Variants in CHD4 observed in about 807,000 individuals in gnomAD.
The protein encoded by CHD4 is chromodomain helicase DNA binding protein 4.
In CHD4, 35 loss-of-function variants were observed where a neutral mutation model predicts 235.5. That is an observed-to-expected ratio of 0.15 (90% confidence interval 0.11 to 0.20). CHD4 has a LOEUF of 0.20. Among genes scored for constraint, CHD4 ranks in the 10% least tolerant of loss-of-function variants. The probability of loss-of-function intolerance (pLI) is 1.00; values close to 1 mark genes in which losing one functional copy is unlikely to be tolerated. For missense variants in CHD4, 1,329 were observed against 2,432.3 expected, an observed-to-expected ratio of 0.55 and a Z score of 9.54; for synonymous variants, 900 against 850.2, an observed-to-expected ratio of 1.06 and a Z score of -1.02.
chr12:6,601,777 A>G lies in CHD4; in HGVS notation c.439-11T>C, dbSNP rs1410668068. Reference sequence around the variant, plus strand: ...AGATGATTTAGGCTCCTGCAGAAAGAGCAAAGTCAAGTAAGTACCTGCCAC... The same window carrying G: ...AGATGATTTAGGCTCCTGCAGAAAGGGCAAAGTCAAGTAAGTACCTGCCAC... On this transcript the variant is annotated splice_polypyrimidine_tract_variant and intron_variant, in intron 4 of 39. Coordinates refer to ENST00000544040, the MANE Select transcript of CHD4 (RefSeq NM_001273.5). 2 of 1,611,298 alleles carry G rather than the reference A, an allele frequency of 1.2e-6. No individual in the cohort carries two copies. The highest frequency in any genetic ancestry group is 1.7e-5 in the Admixed American group (1 of 59,976).
intron 37 of CHD4, among the ~76,000 whole-genome samples, chr12:6,577,366 G>A (rs754281743): frequency 6.8e-6 from 1 of 147,940 alleles, no homozygotes; most frequent in Non-Finnish European, 1.5e-5. Context: ...AGGTTGTAGT[G>A]AGCAGAGGCT....
rs759504268 is a variant in CHD4 at position 6,595,424 on chromosome 12, T to C, written c.2031A>G (p.Leu677=). 1 of 1,613,618 alleles carries C rather than the reference T, an allele frequency of 6.2e-7. No individual in the cohort carries two copies. Among genetic ancestry groups the C allele is most frequent in the Admixed American group, 1.7e-5 (1 of 59,982 alleles). The change falls in exon 14 of 40, where the codon TTA becomes TTG. Residue 677 remains leucine (L), a synonymous_variant. Coordinates refer to ENST00000544040, the MANE Select transcript of CHD4 (RefSeq NM_001273.5). The stretch of plus-strand genomic sequence containing the variant: ...CTGGTCGGCCTTCCTCACCCCTCAT[T>C]AACTCCCTAAAGAAGAAAGACATCA... ...FKQSYWNHRE[L]MRGEEGRPGK...
At chr12:6,601,155 T>C in intron 6 of CHD4, 102 bp from the exon 7 acceptor site, 2 of 1,524,030 alleles carry the variant, frequency 1.3e-6, no homozygotes, top group African/African-American at 1.4e-5. Flanking sequence ...ATTCCCAAAT[T>C]TCCCTCCAAA....
Position 6,595,443 on chromosome 12 carries a change from G to A in CHD4, c.2025-13C>T, listed in dbSNP as rs373101952. The A allele has an allele frequency of 1.9e-6, 3 of 1,610,118 alleles. No homozygotes were observed. The highest frequency in any genetic ancestry group is 2.2e-5 in the South Asian group (2 of 90,980). On this transcript the variant is annotated splice_polypyrimidine_tract_variant and intron_variant, in intron 13 of 39. Coordinates refer to ENST00000544040, the MANE Select transcript of CHD4 (RefSeq NM_001273.5). ...CCTCATTAACTCCCTAAAGAAGAAA[G>A]ACATCACACAGCTGCCCAAAATCCT...
Position 6,591,500 on chromosome 12 carries a change from C to T in CHD4, c.3306G>A (p.Gly1102=), listed in dbSNP as rs1414055079. The T allele has an allele frequency of 1.2e-6, 2 of 1,614,206 alleles. No homozygotes were observed. Residue 1102 remains glycine, a synonymous_variant, in exon 22 of 40, where the codon GGG becomes GGA. Transcript: ENST00000544040. ...KYERIDGGIT[G]NMRQEAIDRF... is the part of the protein sequence containing the mutation. ...GGTCAATGGCCTCTTGCCGCATGTT[C>T]CCAGTGATTCCACCATCGATGCGTT...
At chr12:6,602,352 CG>C (rs1565619471) in intron 3 of CHD4, 23 bp downstream of exon 3, 7 of 1,612,050 alleles carry the variant, frequency 4.3e-6, no homozygotes, top group Non-Finnish European at 5.9e-6. Flanking sequence ...TCTGATTCCC[CG>C]TAACATTCAG....
At chr12:6,592,245 T>C (rs933502361) in intron 19 of CHD4, 148 bp downstream of exon 19, 3 of 1,259,626 alleles carry the variant, frequency 2.4e-6, no homozygotes, top group African/African-American at 3.0e-5. Flanking sequence ...GTAAGAACTA[T>C]GCGCTCCAGC....
At chr12:6,604,149 C>T (rs1948648261) in intron 2 of CHD4, among the ~76,000 whole-genome samples, 1 of 152,138 alleles carries the variant, frequency 6.6e-6, no homozygotes. Context: ...GTGGTGGGTG[C>T]CTGTAATCCC....
chr12:6,580,826 G>A, intron 33 of CHD4: 1 of 553,012 alleles, frequency 1.8e-6, no homozygotes. Context: ...GGCCAACATG[G>A]TGAAACCCTG....
chr12:6,605,321 G>A (rs1948673517), intron 2 of CHD4, among the ~76,000 whole-genome samples: 1 of 152,178 alleles, frequency 6.6e-6, no homozygotes, highest in East Asian at 1.9e-4. Flanking sequence ...GAAGGTCAAG[G>A]AGATGAGTAG....
Position 6,578,061 on chromosome 12 carries a change from C to A in CHD4, c.5196G>T (p.Arg1732=), listed in dbSNP as rs1948102341. The A allele has an allele frequency of 6.2e-7, 1 of 1,612,986 alleles. No individual in the cohort carries two copies. Among genetic ancestry groups the A allele is most frequent in the Non-Finnish European group, 8.5e-7 (1 of 1,180,034 alleles). Residue 1732 remains arginine, a synonymous_variant, in exon 36 of 40, where the codon CGG becomes CGT. Coordinates refer to ENST00000544040, the MANE Select transcript of CHD4 (RefSeq NM_001273.5). Reference sequence around the variant, plus strand: ...TGCCGGCTAGCAGCCAGTAGTCATGCCGTCGATGCCAGATCTCATAAGTCT... The same window carrying A: ...TGCCGGCTAGCAGCCAGTAGTCATGACGTCGATGCCAGATCTCATAAGTCT... ...TKKTYEIWHR[R]HDYWLLAGII... is the part of the protein sequence containing the mutation.
At chr12:6,572,349 C>A (rs1383096214) in intron 38 of CHD4, among the ~76,000 whole-genome samples, 2 of 150,198 alleles carry the variant, frequency 1.3e-5, no homozygotes, top group African/African-American at 4.9e-5. Flanking sequence ...TTGCTTGAAC[C>A]CAGGAGGCAG....
At chr12:6,581,017 A>G (rs1948176588) in intron 33 of CHD4, 27 bp downstream of exon 33, 2 of 1,602,830 alleles carry the variant, frequency 1.2e-6, no homozygotes, top group Admixed American at 1.7e-5. Context: ...ACAAACAAAC[A>G]AACAAAAAAA....
intron 20 of CHD4, 38 bp downstream of exon 20, chr12:6,591,878 A>T: frequency 6.2e-7 from 1 of 1,614,056 alleles, no homozygotes. Context: ...CATGGAGAAG[A>T]CCCAACCCAG....
chr12:6,600,825 A>G, intron 7 of CHD4, 101 bp downstream of exon 7: 1 of 1,511,782 alleles, frequency 6.6e-7, no homozygotes, highest in East Asian at 2.3e-5. Flanking sequence ...GAAACGCCCC[A>G]CATTCTTACG....
chr12:6,601,334 G>C lies in CHD4; in HGVS notation c.754C>G (p.Pro252Ala), dbSNP rs751395634. The C allele has an allele frequency of 3.7e-6, 6 of 1,614,110 alleles. No individual in the cohort carries two copies. The African/African-American group carries it at 4.0e-5, about 11-fold the overall frequency. The change falls in exon 6 of 40, where the codon CCT (proline) becomes GCT (alanine). Residue 252 changes from proline (P) to alanine (A), a missense_variant. Transcript: ENST00000544040. The part of the protein sequence containing the change: ...TATEVAPPPP[P>A]VEVPIRKAKT... ...GCCTTGCGGATAGGCACCTCCACAG[G>C]GGGAGGTGGTGGTGCAACCTCAGTG...
At position 6,598,147 on chromosome 12, in the gene CHD4, C is replaced by T. The variant is rs201646319; in HGVS notation, c.1687-48G>A. The T allele has an allele frequency of 2.4e-5, 38 of 1,612,390 alleles. No homozygotes were observed. The African/African-American group carries it at 4.4e-4, about 19-fold the overall frequency. ...AGCCACCAAGAAGCTGTGTTCATTCCTTCTATCCACAAGGCTCTTTTGTCA... is the reference window on the plus strand; with the variant it reads ...AGCCACCAAGAAGCTGTGTTCATTCTTTCTATCCACAAGGCTCTTTTGTCA... On this transcript the variant is annotated intron_variant, in intron 11 of 39. Coordinates refer to ENST00000544040, the MANE Select transcript of CHD4 (RefSeq NM_001273.5).
intron 12 of CHD4, 44 bp downstream of exon 12, chr12:6,597,850 C>T (rs372946963): frequency 1.4e-5 from 21 of 1,546,868 alleles, no homozygotes; most frequent in Non-Finnish European, 1.8e-5. Context: ...TTTAGCAGGA[C>T]TCTCCCACGG....
At chr12:6,603,054 T>C (rs1411943691) in intron 2 of CHD4, 2 of 152,482 alleles carry the variant, frequency 1.3e-5, no homozygotes, top group Admixed American at 1.3e-4. Flanking sequence ...CTCAATCTCA[T>C]GCCCACTTCT....
Sources: allele counts gnomAD v4.1 joint callset (sites outside exome capture counted in the v4.1 genomes callset), GRCh38; gene constraint gnomAD v4.1.1; transcripts MANE v1.5; gene names NCBI Gene and HGNC (gene_info 2026-07-23, HGNC 2026-07-21).